Variants in MRPS16 observed in about 807,000 individuals in gnomAD.
MRPS16 encodes the protein small ribosomal subunit protein bS16m.
A neutral mutation model predicts 11.0 loss-of-function variants in MRPS16; 5 were observed. The observed-to-expected ratio is 0.46, with a 90% confidence interval of 0.24 to 0.96. The LOEUF is 0.96. Among genes scored for constraint, MRPS16 ranks in the 40% least tolerant of loss-of-function variants. The probability of loss-of-function intolerance (pLI) is 0.20; values close to 1 mark genes in which losing one functional copy is unlikely to be tolerated. For synonymous variants in MRPS16, 76 were observed against 65.0 expected, an observed-to-expected ratio of 1.17 and a Z score of -0.81; for missense variants, 179 against 174.4, an observed-to-expected ratio of 1.03 and a Z score of -0.15.
chr10:73,251,979 G>A lies in MRPS16; in HGVS notation c.58C>T (p.Arg20Cys), dbSNP rs765234241. 1.2e-6 allele frequency: 2 copies of A among 1,614,042 alleles called. No individual in the cohort carries two copies. Among genetic ancestry groups the A allele is most frequent in the East Asian group, 2.2e-5 (1 of 44,888 alleles). ...KAYRGGHLTIRLALGGCTNRP... is the reference protein window; with the variant it reads ...KAYRGGHLTICLALGGCTNRP... ...TTGGTGCAGCCACCCAGGGCAAGGC[G>A]GATGGTTAAGTGGCCCCCACGGTAG... The change falls in exon 2 of 3, where the codon CGC (arginine) becomes TGC (cysteine). Residue 20 changes from arginine to cysteine, a missense_variant. Arg to Cys is a radical substitution (Grantham distance 180). Coordinates refer to ENST00000372945, the MANE Select transcript of MRPS16 (RefSeq NM_016065.4).
chr10:73,249,552 A>G lies in MRPS16; in HGVS notation c.*1300T>C, dbSNP rs2044056720. On this transcript the variant is annotated 3_prime_UTR_variant, in exon 3 of 3. Transcript: ENST00000372945. ...TCCATAAAATTACCAGCAAGAAAGAAAAGTACAAGAATAAGGTTCACAGCT... is the reference window on the plus strand; with the variant it reads ...TCCATAAAATTACCAGCAAGAAAGAGAAGTACAAGAATAAGGTTCACAGCT... The G allele has an allele frequency of 2.0e-6, 1 of 506,986 alleles. No homozygotes were observed. Among genetic ancestry groups the G allele is most frequent in the South Asian group, 2.6e-5 (1 of 38,760 alleles). The allele number at this position is 506,986 out of a possible 1,614,324, so 31.4% of individuals were successfully genotyped here. A position where few individuals can be genotyped will look rare whatever the true frequency, so the allele number is the denominator to read the frequency against.
chr10:73,250,544 G>A lies in MRPS16; in HGVS notation c.*308C>T. The A allele has an allele frequency of 2.5e-6, 1 of 404,540 alleles. No homozygotes were observed. Among genetic ancestry groups the A allele is most frequent in the South Asian group, 2.3e-5 (1 of 43,914 alleles). 25.1% of individuals were successfully genotyped at this position (404,540 alleles called of 1,614,324 possible). ...CTGGCTGGGGGTTTTGAAGCAGGAAGTCTTGGAAGCCAGTAAATTGTAAAG... is the reference window on the plus strand; with the variant it reads ...CTGGCTGGGGGTTTTGAAGCAGGAAATCTTGGAAGCCAGTAAATTGTAAAG... On this transcript the variant is annotated 3_prime_UTR_variant, in exon 3 of 3. Transcript: ENST00000372945.
At position 73,251,751 on chromosome 10, in the gene MRPS16, G is replaced by A; in HGVS notation, c.274+12C>T. The A allele has an allele frequency of 1.2e-6, 2 of 1,614,146 alleles. No homozygotes were observed. The highest frequency in any genetic ancestry group is 1.7e-6 in the Non-Finnish European group (2 of 1,180,020). ...AAATCCCCTCAATAAGGTAAGACCAGAGCTGAGTTACCCAGAAGCTTTTCC... is the reference window on the plus strand; with the variant it reads ...AAATCCCCTCAATAAGGTAAGACCAAAGCTGAGTTACCCAGAAGCTTTTCC... On this transcript the variant is annotated intron_variant, in intron 2 of 2. Transcript: ENST00000372945.
In MRPS16 at chr10:73,249,027, T is replaced by A; in HGVS notation, c.*1825A>T. ...TCGGCCTCCTGGGCTCAAGTGATCTTACTGCCTCAGCTTCCCGAGTAGCTG... is the reference window on the plus strand; with the variant it reads ...TCGGCCTCCTGGGCTCAAGTGATCTAACTGCCTCAGCTTCCCGAGTAGCTG... On this transcript the variant is annotated 3_prime_UTR_variant, in exon 3 of 3. Transcript: ENST00000372945. 1 of 593,492 alleles carries A rather than the reference T, an allele frequency of 1.7e-6. No homozygotes were observed. Among genetic ancestry groups the A allele is most frequent in the Non-Finnish European group, 3.2e-6 (1 of 312,394 alleles). 36.8% of individuals were successfully genotyped at this position (593,492 alleles called of 1,614,324 possible).
In MRPS16 at chr10:73,249,432, A is replaced by C; in HGVS notation, c.*1420T>G. ...GATTACTGGCATCAAGGTAGGAAGG[A>C]AAAGATACAAGAAGTAAAATGCAAC... On this transcript the variant is annotated 3_prime_UTR_variant, in exon 3 of 3. Transcript: ENST00000372945. The C allele has an allele frequency of 9.4e-7, 1 of 1,068,872 alleles. No homozygotes were observed. The highest frequency in any genetic ancestry group is 1.5e-5 in the South Asian group (1 of 65,242). 66.2% of individuals were successfully genotyped at this position (1,068,872 alleles called of 1,614,324 possible).
chr10:73,252,167 G>A, intron 1 of MRPS16, 144 bp from the exon 2 acceptor site: 2 of 1,321,780 alleles, frequency 1.5e-6, no homozygotes, highest in Non-Finnish European at 1.1e-6. Flanking sequence ...TCTTCTTTGT[G>A]AAACCCCTCT....
In MRPS16 at chr10:73,251,879, G is replaced by C. The variant is rs1397969486; in HGVS notation, c.158C>G (p.Ser53Cys). ...RDGRFVEQLG[S>C]YDPLPNSHGE... is the part of the protein sequence containing the mutation. ...ATGACTGTTGGGCAATGGATCATAG[G>C]AGCCCAGCTGCTCTACGAAACGGCC... is the stretch of plus-strand genomic sequence containing the variant. Residue 53 changes from serine (S) to cysteine (C), a missense_variant, in exon 2 of 3, where the codon TCC becomes TGC. Transcript: ENST00000372945. 1 of 1,614,074 alleles carries C rather than the reference G, an allele frequency of 6.2e-7. No individual in the cohort carries two copies. The highest frequency in any genetic ancestry group is 8.5e-7 in the Non-Finnish European group (1 of 1,180,044).
Position 73,252,628 on chromosome 10 carries a change from C to A in MRPS16, c.-146G>T. The A allele has an allele frequency of 8.4e-7, 1 of 1,185,388 alleles. No homozygotes were observed. Among genetic ancestry groups the A allele is most frequent in the Non-Finnish European group, 1.2e-6 (1 of 835,684 alleles). 73.4% of individuals were successfully genotyped at this position (1,185,388 alleles called of 1,614,324 possible). On this transcript the variant is annotated 5_prime_UTR_variant, in exon 1 of 3. Transcript: ENST00000372945. ...CCAAGCGGTACAAGCCCGAAAACCT[C>A]GACTCCGGAAGCGGATGATCCGCTC...
intron 1 of MRPS16, 170 bp from the exon 2 acceptor site, chr10:73,252,193 G>A (rs1385632358): frequency 5.3e-6 from 6 of 1,137,000 alleles, no homozygotes; most frequent in Non-Finnish European, 5.0e-6. Flanking sequence ...AGTCCAGCCA[G>A]CAATGACCTC....
chr10:73,252,475 T>C lies in MRPS16; in HGVS notation c.8A>G (p.His3Arg). 6.2e-7 allele frequency: 1 copy of C among 1,608,932 alleles called. No homozygotes were observed. Among genetic ancestry groups the C allele is most frequent in the Non-Finnish European group, 8.5e-7 (1 of 1,179,792 alleles). ...GCGGTGGCCCGATGACTCACTGAGG[T>C]GGACCATGGTGCCGCCGGCGTGCGG... MV[H>R]LTTLLCKAYR... The change falls in exon 1 of 3, where the codon CAC (histidine) becomes CGC (arginine). Residue 3 changes from histidine (H) to arginine (R), a missense_variant. Physicochemically the swap from His to Arg is conservative, Grantham distance 29 (BLOSUM62 0). Transcript: ENST00000372945.
At position 73,248,949 on chromosome 10, in the gene MRPS16, TTC is replaced by T. The variant is rs770856835; in HGVS notation, c.*1901_*1902del. 3.9e-6 allele frequency: 2 copies of T among 518,982 alleles called. No homozygotes were observed. The highest frequency in any genetic ancestry group is 1.9e-5 in the African/African-American group (1 of 52,124). 32.1% of individuals were successfully genotyped at this position (518,982 alleles called of 1,614,324 possible). The stretch of plus-strand genomic sequence containing the variant: ...AATTATGTAATGTTTTCTTTTTCTT[TTC>T]TCTGTCACCCAGGCTGGACTGTAGT... On this transcript the variant is annotated 3_prime_UTR_variant, in exon 3 of 3. Coordinates refer to ENST00000372945, the MANE Select transcript of MRPS16 (RefSeq NM_016065.4).
rs747518394 is a variant in MRPS16, at chr10:73,251,857, A to G, written c.180T>C (p.Ser60=). The change falls in exon 2 of 3, where the codon AGT becomes AGC. Residue 60 remains serine, a synonymous_variant. Coordinates refer to ENST00000372945, the MANE Select transcript of MRPS16 (RefSeq NM_016065.4). Reference sequence around the variant, plus strand: ...TGAGGGCAACGAGTTTTTCTCCATGACTGTTGGGCAATGGATCATAGGAGC... The same window carrying G: ...TGAGGGCAACGAGTTTTTCTCCATGGCTGTTGGGCAATGGATCATAGGAGC... The part of the protein sequence containing the change: ...QLGSYDPLPN[S]HGEKLVALNL... The G allele has an allele frequency of 1.9e-6, 3 of 1,614,132 alleles. No homozygotes were observed. The highest frequency in any genetic ancestry group is 2.5e-6 in the Non-Finnish European group (3 of 1,180,016).
At chr10:73,251,285 C>T (rs1258107141) in intron 2 of MRPS16, among the ~76,000 whole-genome samples, 1 of 152,172 alleles carries the variant, frequency 6.6e-6, no homozygotes, top group Non-Finnish European at 1.5e-5. Context: ...CAAAGGAGTC[C>T]ACAAAAGGGG....
rs887591740 is a variant in MRPS16 at position 73,249,927 on chromosome 10, G to GC, written c.*924dup. 3 of 150,676 alleles carry GC rather than the reference G, an allele frequency of 2.0e-5. No individual in the cohort carries two copies. In the East Asian group the frequency reaches 5.8e-4, roughly 29 times the overall value. 9.3% of individuals were successfully genotyped at this position (150,676 alleles called of 1,614,324 possible). On this transcript the variant is annotated 3_prime_UTR_variant, in exon 3 of 3. Transcript: ENST00000372945. ...ATCTCTACTAAAAATACAAAAATTT[G>GC]CCCGGGCGGTGGCTCACGCCTATAA...
chr10:73,251,706 C>T, intron 2 of MRPS16, 57 bp downstream of exon 2: 1 of 1,611,352 alleles, frequency 6.2e-7, no homozygotes, highest in South Asian at 1.1e-5. Context: ...ACCTACTGTC[C>T]TGGAGCTGAC....
At chr10:73,251,511 G>A (rs1340902947) in intron 2 of MRPS16, among the ~76,000 whole-genome samples, 2 of 152,034 alleles carry the variant, frequency 1.3e-5, no homozygotes, top group Non-Finnish European at 2.9e-5. Context: ...CAGTAGCTGA[G>A]ACTACAGGTG....
rs2044053866 is a variant in MRPS16 at position 73,249,320 on chromosome 10, T to C, written c.*1532A>G. The C allele has an allele frequency of 6.5e-7, 1 of 1,549,312 alleles. No homozygotes were observed. ...AAAACACATGGGAATACTTGAGACC[T>C]AAGAATGGTTGTGAGTCAAATAAAA... On this transcript the variant is annotated 3_prime_UTR_variant, in exon 3 of 3. Transcript: ENST00000372945.
Position 73,249,689 on chromosome 10 carries a change from A to G in MRPS16, c.*1163T>C, listed in dbSNP as rs1452645744. 4.9e-6 allele frequency: 1 copy of G among 203,454 alleles called. No individual in the cohort carries two copies. The highest frequency in any genetic ancestry group is 1.0e-5 in the Non-Finnish European group (1 of 97,564). The allele number at this position is 203,454 out of a possible 1,614,324, so 12.6% of individuals were successfully genotyped here. A position where few individuals can be genotyped will look rare whatever the true frequency, so the allele number is the denominator to read the frequency against. ...AATGGTTCAATCTTGATTCATACTG[A>G]ACTCCCTTAAGCCCAGCAGTTTCTC... On this transcript the variant is annotated 3_prime_UTR_variant, in exon 3 of 3. Coordinates refer to ENST00000372945, the MANE Select transcript of MRPS16 (RefSeq NM_016065.4).
chr10:73,252,567 CAGAAAGAACCTGCA>C lies in MRPS16; in HGVS notation c.-99_-86del. ...GCCTTGGCAGGGCAGAGAACAAACACAGAAAGAACCTGCAAGCCGACACCAGGCCGCACCGCCAA... is the reference window on the plus strand; with the variant it reads ...GCCTTGGCAGGGCAGAGAACAAACACAGCCGACACCAGGCCGCACCGCCAA... On this transcript the variant is annotated 5_prime_UTR_variant, in exon 1 of 3. Coordinates refer to ENST00000372945, the MANE Select transcript of MRPS16 (RefSeq NM_016065.4). 1.9e-6 allele frequency: 3 copies of C among 1,561,904 alleles called. No homozygotes were observed. The highest frequency in any genetic ancestry group is 2.6e-6 in the Non-Finnish European group (3 of 1,156,344).
Sources: gnomAD v4.1 joint callset for allele counts (sites outside exome capture counted in the v4.1 genomes callset) on GRCh38, gnomAD v4.1.1 for gene constraint, MANE v1.5 for transcripts, NCBI Gene and HGNC (gene_info 2026-07-23, HGNC 2026-07-21) for gene names.